Variants in AUTS2 observed in about 807,000 individuals in gnomAD.
AUTS2 encodes the protein autism susceptibility gene 2 protein.
A neutral mutation model predicts 112.4 loss-of-function variants in AUTS2; 17 were observed. That is an observed-to-expected ratio of 0.15 (90% CI 0.10 to 0.23). The LOEUF is 0.23. Ranked by LOEUF, AUTS2 falls within the 10% of genes least tolerant of loss-of-function variation. The pLI is 1.00. For synonymous variants in AUTS2, 751 were observed against 702.7 expected (o/e 1.07, Z -1.09); for missense variants, 1,510 against 1,701.6 (o/e 0.89, Z 1.98).
chr7:70,063,874 G>T (rs1451706375), intron 2 of AUTS2, among the ~76,000 whole-genome samples: 15 of 152,146 alleles, frequency 9.9e-5, no homozygotes. Flanking sequence ...CAATGGTTTG[G>T]ATGGCATCTC....
chr7:69,737,064 T>C (rs1173188899), intron 1 of AUTS2, among the ~76,000 whole-genome samples: 1 of 151,998 alleles, frequency 6.6e-6, no homozygotes, highest in Non-Finnish European at 1.5e-5. Flanking sequence ...AGAGCAGGAG[T>C]GCTCTAGGAA....
At chr7:70,221,535 T>C (rs1811484998) in intron 4 of AUTS2, among the ~76,000 whole-genome samples, 1 of 152,196 alleles carries the variant, frequency 6.6e-6, no homozygotes, top group Non-Finnish European at 1.5e-5. Flanking sequence ...GAGGAACCAC[T>C]ACTCTAATTT....
intron 2 of AUTS2, among the ~76,000 whole-genome samples, chr7:69,913,160 A>G (rs1335500278): frequency 6.6e-6 from 1 of 152,148 alleles, no homozygotes; most frequent in African/African-American, 2.4e-5. Flanking sequence ...TTTGTTTAGA[A>G]TATTCTTTTT....
In AUTS2 at chr7:70,579,244, T is replaced by TAAAAAAAAAAAAAAAAAAA. The variant is rs10611601; in HGVS notation, c.691-119307_691-119306insAAAAAAAAAAAAAAAAAAA. On this transcript the variant is annotated intron_variant, in intron 5 of 18. Coordinates refer to ENST00000342771, the MANE Select transcript of AUTS2 (RefSeq NM_015570.4). ...ATGCCCAGCCTTATATTCTCTTTTCTAAAAAAAAAAAAAAAAAAGATGAAG... is the reference window on the plus strand; with the variant it reads ...ATGCCCAGCCTTATATTCTCTTTTCTAAAAAAAAAAAAAAAAAAAAAAAAAAAAAAAAAAAAAGATGAAG... Among the ~76,000 whole-genome samples, 338 of 55,848 alleles carry TAAAAAAAAAAAAAAAAAAA rather than the reference T, an allele frequency of 6.1e-3. 42 individuals are homozygous for TAAAAAAAAAAAAAAAAAAA. The highest frequency in any genetic ancestry group is 7.7e-3 in the Non-Finnish European group (231 of 29,874). 36.6% of individuals were successfully genotyped at this position (55,848 alleles called of 152,430 possible). A position where few individuals can be genotyped will look rare whatever the true frequency, so the allele number is the denominator to read the frequency against.
At chr7:69,938,025 C>T (rs1027209071) in intron 2 of AUTS2, among the ~76,000 whole-genome samples, 10 of 152,170 alleles carry the variant, frequency 6.6e-5, no homozygotes, top group Admixed American at 6.5e-4. Flanking sequence ...TCAGAAACTT[C>T]TTTACAGAAT....
intron 4 of AUTS2, among the ~76,000 whole-genome samples, chr7:70,349,039 C>T (rs1368139176): frequency 6.6e-6 from 1 of 152,192 alleles, no homozygotes; most frequent in Non-Finnish European, 1.5e-5. Flanking sequence ...TGCTTTTATA[C>T]TCATCTCATC....
chr7:70,251,874 A>G (rs1045064121), intron 4 of AUTS2, among the ~76,000 whole-genome samples: 1 of 152,172 alleles, frequency 6.6e-6, no homozygotes, highest in South Asian at 2.1e-4. Flanking sequence ...ATAATACCAT[A>G]TACCCTTTAC....
chr7:70,573,322 C>T (rs922759333), intron 5 of AUTS2, among the ~76,000 whole-genome samples: 1 of 152,186 alleles, frequency 6.6e-6, no homozygotes, highest in African/African-American at 2.4e-5. Context: ...AAGTTTACCT[C>T]GACCTGTCTT....
At position 70,358,762 on chromosome 7, in the gene AUTS2, T is replaced by C. The variant is rs184365836; in HGVS notation, c.661-76990T>C. ...GGGCCAAGAAGGATCCCCTTATGCA[T>C]GGTCTCAAGGCAGGGGCTGGATCTA... On this transcript the variant is annotated intron_variant, in intron 4 of 18. Transcript: ENST00000342771. 3.3e-5 allele frequency among the ~76,000 whole-genome samples: 5 copies of C among 152,352 alleles called. No homozygotes were observed. In the East Asian group the frequency reaches 9.6e-4, roughly 29 times the overall value.
chr7:70,543,130 G>A (rs1338706839), intron 5 of AUTS2, among the ~76,000 whole-genome samples: 1 of 152,172 alleles, frequency 6.6e-6, no homozygotes, highest in African/African-American at 2.4e-5. Context: ...TGAGCAGGAT[G>A]ACAGGATTGG....
chr7:70,469,768 G>A (rs1797307081), intron 5 of AUTS2, among the ~76,000 whole-genome samples: 1 of 152,166 alleles, frequency 6.6e-6, no homozygotes, highest in Non-Finnish European at 1.5e-5. Flanking sequence ...AGCCTCTTGA[G>A]TAGCTAGGAA....
At chr7:69,764,982 T>C (rs1335179108) in intron 1 of AUTS2, among the ~76,000 whole-genome samples, 2 of 152,058 alleles carry the variant, frequency 1.3e-5, no homozygotes, top group Non-Finnish European at 2.9e-5. Flanking sequence ...CCCACGTGAG[T>C]ACGTTGATAA....
chr7:70,632,318 G>C (rs961050357), intron 5 of AUTS2, among the ~76,000 whole-genome samples: 1 of 152,154 alleles, frequency 6.6e-6, no homozygotes, highest in African/African-American at 2.4e-5. Context: ...GGGGGATTCG[G>C]TTTCCTCTAG....
chr7:70,489,761 T>C (rs1012961794), intron 5 of AUTS2, among the ~76,000 whole-genome samples: 1 of 152,208 alleles, frequency 6.6e-6, no homozygotes, highest in African/African-American at 2.4e-5. Flanking sequence ...ATGAAGCTTA[T>C]GATGATCGAA....
chr7:70,635,922 C>G (rs946072433), intron 5 of AUTS2, among the ~76,000 whole-genome samples: 10 of 152,112 alleles, frequency 6.6e-5, no homozygotes, highest in African/African-American at 2.4e-4. Flanking sequence ...AAATGACATC[C>G]AAGAGGCAGA....
intron 4 of AUTS2, among the ~76,000 whole-genome samples, chr7:70,203,442 GAAAATAAGCTTA>G (rs1047664954): frequency 3.3e-5 from 5 of 150,298 alleles, no homozygotes; most frequent in Non-Finnish European, 7.4e-5. Context: ...AGAATGGAAG[GAAAATAAGCTTA>G]AAATTTTGAA....
chr7:70,598,762 C>T (rs2129529564), intron 5 of AUTS2, among the ~76,000 whole-genome samples: 1 of 152,224 alleles, frequency 6.6e-6, no homozygotes, highest in Middle Eastern at 3.4e-3. Context: ...GATTTGTTTC[C>T]AAATTCCCTT....
At chr7:70,178,511 T>G (rs1809117295) in intron 4 of AUTS2, among the ~76,000 whole-genome samples, 1 of 152,124 alleles carries the variant, frequency 6.6e-6, no homozygotes, top group Non-Finnish European at 1.5e-5. Flanking sequence ...TTTTAATAGA[T>G]CCTACAGGCC....
At position 70,791,109 on chromosome 7, in the gene AUTS2, C is replaced by T. The variant is rs1173685198; in HGVS notation, c.*113C>T. The T allele has an allele frequency of 9.0e-7, 1 of 1,111,768 alleles. No homozygotes were observed. Among genetic ancestry groups the T allele is most frequent in the East Asian group, 3.0e-5 (1 of 33,414 alleles). 68.9% of individuals were successfully genotyped at this position (1,111,768 alleles called of 1,614,324 possible). A position where few individuals can be genotyped will look rare whatever the true frequency, so the allele number is the denominator to read the frequency against. On this transcript the variant is annotated 3_prime_UTR_variant, in exon 19 of 19. Transcript: ENST00000342771. ...ACAGACTGGGGGGGAAAGCCCCACC[C>T]CTTCCCCTTGTAAAAAATGTATAGA...
Sources: allele counts gnomAD v4.1 joint callset (sites outside exome capture counted in the v4.1 genomes callset), GRCh38; gene constraint gnomAD v4.1.1; transcripts MANE v1.5; gene names NCBI Gene and HGNC (gene_info 2026-07-23, HGNC 2026-07-21).